Variants in PPP3CA observed in about 807,000 individuals in gnomAD.
PPP3CA encodes the protein CAM-PRP catalytic subunit.
In PPP3CA, 14 loss-of-function variants were observed where a neutral mutation model predicts 66.5. That is an observed-to-expected ratio of 0.21 (90% CI 0.14 to 0.33). The LOEUF is 0.33. Among genes scored for constraint, PPP3CA ranks in the 10% least tolerant of loss-of-function variants. The pLI is 1.00. For missense variants in PPP3CA, 317 were observed against 639.5 expected, an observed-to-expected ratio of 0.50 and a Z score of 5.44; for synonymous variants, 232 against 226.2, an observed-to-expected ratio of 1.03 and a Z score of -0.23.
chr4:101,130,158 A>C (rs1722383745), intron 2 of PPP3CA, among the ~76,000 whole-genome samples: 1 of 152,026 alleles, frequency 6.6e-6, no homozygotes, highest in South Asian at 2.1e-4. Flanking sequence ...TCAGAGATAG[A>C]AGATCACCTT....
intron 6 of PPP3CA, among the ~76,000 whole-genome samples, chr4:101,091,696 C>A (rs983567677): frequency 6.6e-6 from 1 of 151,780 alleles, no homozygotes. Context: ...TTTGCTTACT[C>A]TAGAGACAGA....
chr4:101,125,125 A>C (rs1722206346), intron 2 of PPP3CA, among the ~76,000 whole-genome samples: 1 of 152,244 alleles, frequency 6.6e-6, no homozygotes, highest in Admixed American at 6.5e-5. Context: ...GGTATAAGAT[A>C]CTATAGAAAC....
intron 11 of PPP3CA, among the ~76,000 whole-genome samples, chr4:101,037,479 G>A (rs188610142): frequency 2.0e-5 from 3 of 152,072 alleles, no homozygotes; most frequent in Admixed American, 1.3e-4. Flanking sequence ...CATTAATCAC[G>A]TCCTGTTTTC....
intron 1 of PPP3CA, among the ~76,000 whole-genome samples, chr4:101,338,341 C>A (rs1403425057): frequency 6.6e-6 from 1 of 152,194 alleles, no homozygotes; most frequent in Admixed American, 6.5e-5. Context: ...CTGGAGCTTA[C>A]AAGTCAAGAC....
intron 5 of PPP3CA, among the ~76,000 whole-genome samples, 162 bp downstream of exon 5, chr4:101,098,205 C>T (rs1004534759): frequency 2.6e-5 from 4 of 152,158 alleles, no homozygotes; most frequent in African/African-American, 4.8e-5. Flanking sequence ...AAACATATCT[C>T]TCTTTCTAGA....
At chr4:101,201,777 T>A (rs1724973754) in intron 1 of PPP3CA, among the ~76,000 whole-genome samples, 1 of 152,234 alleles carries the variant, frequency 6.6e-6, no homozygotes, top group Non-Finnish European at 1.5e-5. Context: ...TAAAACACTT[T>A]CTGGCCTGAC....
At chr4:101,283,742 T>C (rs1350855923) in intron 1 of PPP3CA, among the ~76,000 whole-genome samples, 2 of 152,110 alleles carry the variant, frequency 1.3e-5, no homozygotes, top group Non-Finnish European at 2.9e-5. Context: ...AGATTTTCTC[T>C]CCCTGGAAGA....
rs148238562 is a variant in PPP3CA, at chr4:101,032,616, A to AAGAT, written c.1242-253_1242-252insATCT. 2.6e-3 allele frequency among the ~76,000 whole-genome samples: 389 copies of AAGAT among 152,218 alleles called. 3 individuals carry two copies. The highest frequency in any genetic ancestry group is 0.014 in the Middle Eastern group (4 of 294). ...GAGGTTCTGTTTCTTTTGAGTATCGAAGCTAGATAGATAAAGAAAACCATT... is the reference window on the plus strand; with the variant it reads ...GAGGTTCTGTTTCTTTTGAGTATCGAAGATAGCTAGATAGATAAAGAAAACCATT... On this transcript the variant is annotated intron_variant, in intron 11 of 13. Coordinates refer to ENST00000394854, the MANE Select transcript of PPP3CA (RefSeq NM_000944.5).
chr4:101,272,806 T>C (rs1459376925), intron 1 of PPP3CA, among the ~76,000 whole-genome samples: 1 of 152,246 alleles, frequency 6.6e-6, no homozygotes, highest in African/African-American at 2.4e-5. Context: ...TGGAAAACTC[T>C]GTTGATACAC....
At chr4:101,106,382 A>G (rs1322051510) in intron 3 of PPP3CA, among the ~76,000 whole-genome samples, 2 of 4,072 alleles carry the variant, frequency 4.9e-4, no homozygotes, top group East Asian at 0.011. Flanking sequence ...GAAAAGAAAG[A>G]AAGAAAGAAA....
At chr4:101,194,806 A>G (rs188916119) in intron 2 of PPP3CA, among the ~76,000 whole-genome samples, 287 of 152,142 alleles carry the variant, frequency 1.9e-3, no homozygotes, top group East Asian at 0.014. Flanking sequence ...ATCTCAAGTA[A>G]TCCACCCACC....
intron 1 of PPP3CA, among the ~76,000 whole-genome samples, chr4:101,215,607 G>C (rs80246052): frequency 0.014 from 2,116 of 151,992 alleles, 50 homozygotes; most frequent in African/African-American, 0.048. Flanking sequence ...ACTAAATGAA[G>C]GGGAAAGAAA....
intron 5 of PPP3CA, among the ~76,000 whole-genome samples, chr4:101,095,774 C>T (rs1281473330): frequency 2.0e-5 from 3 of 152,102 alleles, no homozygotes; most frequent in Non-Finnish European, 4.4e-5. Flanking sequence ...GCCTCAGACT[C>T]CTGAGTAGCT....
At chr4:101,027,696 C>A (rs1726724646) in intron 13 of PPP3CA, among the ~76,000 whole-genome samples, 1 of 152,080 alleles carries the variant, frequency 6.6e-6, no homozygotes, top group African/African-American at 2.4e-5. Flanking sequence ...AGTTTGTCAT[C>A]ATTATCATTT....
At chr4:101,144,980 T>C (rs1408783891) in intron 2 of PPP3CA, among the ~76,000 whole-genome samples, 2 of 152,174 alleles carry the variant, frequency 1.3e-5, no homozygotes, top group Admixed American at 1.3e-4. Context: ...AATACAAAAA[T>C]TAGAAATACT....
chr4:101,259,696 T>A (rs1048131793), intron 1 of PPP3CA, among the ~76,000 whole-genome samples: 3 of 152,170 alleles, frequency 2.0e-5, no homozygotes, highest in Admixed American at 6.6e-5. Flanking sequence ...TTCTGAAAGT[T>A]GTTTTAGATT....
chr4:101,310,871 T>C (rs1454229633), intron 1 of PPP3CA, among the ~76,000 whole-genome samples: 1 of 152,156 alleles, frequency 6.6e-6, no homozygotes, highest in Non-Finnish European at 1.5e-5. Context: ...TAAATGAATG[T>C]ACTTAAAATG....
At chr4:101,146,287 C>T (rs1722965555) in intron 2 of PPP3CA, among the ~76,000 whole-genome samples, 1 of 152,172 alleles carries the variant, frequency 6.6e-6, no homozygotes, top group Non-Finnish European at 1.5e-5. Flanking sequence ...TTCTGTGTGT[C>T]AGGCAACAGG....
intron 2 of PPP3CA, among the ~76,000 whole-genome samples, chr4:101,126,444 T>C (rs922264250): frequency 3.3e-5 from 5 of 152,242 alleles, no homozygotes; most frequent in Non-Finnish European, 7.3e-5. Flanking sequence ...GTCATTAATA[T>C]GGTATTCACA....
Sources: gnomAD v4.1 joint callset for allele counts (sites outside exome capture counted in the v4.1 genomes callset) on GRCh38, gnomAD v4.1.1 for gene constraint, MANE v1.5 for transcripts, NCBI Gene and HGNC (gene_info 2026-07-23, HGNC 2026-07-21) for gene names.